ADK: variants seen among roughly 807,000 people sequenced by gnomAD.
ADK encodes the protein adenosine kinase.
ADK carries 24 observed loss-of-function variants against 44.7 expected under a neutral mutation model. That is an observed-to-expected ratio of 0.54 (90% confidence interval 0.39 to 0.76). The LOEUF (loss-of-function observed/expected upper bound fraction) is 0.76, where lower values mean the gene tolerates loss of function less well. Ranked by LOEUF, ADK falls within the 30% of genes least tolerant of loss-of-function variation. The pLI, the probability that ADK is intolerant of heterozygous loss-of-function variation, is 0.00. For synonymous variants in ADK, 128 were observed against 142.6 expected (o/e 0.90, Z 0.73); for missense variants, 321 against 425.1 (o/e 0.76, Z 2.15).
intron 7 of ADK, among the ~76,000 whole-genome samples, chr10:74,532,919 CAAA>C (rs35774493): frequency 1.3e-5 from 1 of 75,518 alleles, no homozygotes; most frequent in South Asian, 6.5e-4. Context: ...GACTCTGTCT[CAAA>C]AAAAAAAAAA....
At chr10:74,460,648 G>C (rs1846143330) in intron 6 of ADK, among the ~76,000 whole-genome samples, 1 of 151,924 alleles carries the variant, frequency 6.6e-6, no homozygotes. Flanking sequence ...TATTTACCTT[G>C]ACCCCCTACC....
At chr10:74,458,600 GGCTTT>G (rs1382923875) in intron 6 of ADK, among the ~76,000 whole-genome samples, 5 of 151,942 alleles carry the variant, frequency 3.3e-5, no homozygotes, top group African/African-American at 1.2e-4. Flanking sequence ...CGTTCAGTTT[GGCTTT>G]GGAAATTTTA....
chr10:74,166,267 T>G (rs947449855), intron 1 of ADK, among the ~76,000 whole-genome samples: 5 of 152,164 alleles, frequency 3.3e-5, no homozygotes, highest in African/African-American at 9.7e-5. Flanking sequence ...AATCAAAACT[T>G]TAGACAAACC....
intron 9 of ADK, among the ~76,000 whole-genome samples, chr10:74,657,838 A>G (rs1166103672): frequency 1.3e-5 from 2 of 152,228 alleles, no homozygotes; most frequent in East Asian, 3.8e-4. Flanking sequence ...ACCTTCCTGG[A>G]AGTATGTGAA....
intron 6 of ADK, among the ~76,000 whole-genome samples, chr10:74,459,142 C>T (rs746488746): frequency 5.9e-5 from 9 of 151,356 alleles, no homozygotes; most frequent in Admixed American, 3.9e-4. Context: ...TAGCTGGGCA[C>T]GGTGGTGGGT....
rs1022294554 is a variant in ADK, at chr10:74,291,826, C to T, written c.195-22841C>T. The stretch of plus-strand genomic sequence containing the variant: ...TATTATGTGTATCATAATGATTTCA[C>T]GCTTCAGTTTTCTCATCTGTACAGT... On this transcript the variant is annotated intron_variant, in intron 3 of 10. Coordinates refer to ENST00000539909, the MANE Select transcript of ADK (RefSeq NM_006721.4). 9.2e-5 allele frequency among the ~76,000 whole-genome samples: 14 copies of T among 151,500 alleles called. No homozygotes were observed. In the South Asian group the frequency reaches 1.7e-3, roughly 18 times the overall value.
chr10:74,521,231 CAA>C (rs949997378), intron 6 of ADK, among the ~76,000 whole-genome samples: 37 of 152,124 alleles, frequency 2.4e-4, no homozygotes, highest in African/African-American at 8.7e-4. Flanking sequence ...TAAAGAAAAA[CAA>C]GAGATCATTC....
At chr10:74,279,229 G>A (rs993980813) in intron 3 of ADK, among the ~76,000 whole-genome samples, 10 of 151,922 alleles carry the variant, frequency 6.6e-5, no homozygotes, top group Non-Finnish European at 1.2e-4. Flanking sequence ...GCAGTGATCC[G>A]AGATTGCGCC....
intron 7 of ADK, among the ~76,000 whole-genome samples, chr10:74,542,592 G>A (rs1017311011): frequency 2.0e-5 from 3 of 151,832 alleles, no homozygotes; most frequent in Non-Finnish European, 1.5e-5. Context: ...CAGTAGTGTC[G>A]CTCCTCCCTT....
intron 6 of ADK, among the ~76,000 whole-genome samples, chr10:74,495,196 A>G (rs1847638274): frequency 6.6e-6 from 1 of 152,062 alleles, no homozygotes. Flanking sequence ...ATTATTCCCT[A>G]TAAATTTAGA....
intron 6 of ADK, among the ~76,000 whole-genome samples, chr10:74,404,015 C>T (rs574554022): frequency 3.3e-5 from 5 of 152,004 alleles, no homozygotes; most frequent in South Asian, 4.2e-4. Flanking sequence ...TGGGACTGCA[C>T]GTGCCTGCCA....
At chr10:74,666,660 C>T (rs1365197371) in intron 9 of ADK, among the ~76,000 whole-genome samples, 3 of 152,076 alleles carry the variant, frequency 2.0e-5, no homozygotes, top group African/African-American at 7.2e-5. Context: ...CCTAAGAAAA[C>T]TAGGTCCCAG....
chr10:74,590,713 T>C (rs1306340383), intron 8 of ADK, among the ~76,000 whole-genome samples: 1 of 152,154 alleles, frequency 6.6e-6, no homozygotes, highest in African/African-American at 2.4e-5. Flanking sequence ...TGGGTTTTTT[T>C]CTAATTTAAG....
chr10:74,297,830 C>T (rs1178298452), intron 3 of ADK, among the ~76,000 whole-genome samples: 1 of 152,182 alleles, frequency 6.6e-6, no homozygotes, highest in Non-Finnish European at 1.5e-5. Context: ...GCCTTCCCAC[C>T]ACTATGGCAG....
At chr10:74,329,253 C>T (rs945596430) in intron 4 of ADK, among the ~76,000 whole-genome samples, 3 of 151,724 alleles carry the variant, frequency 2.0e-5, no homozygotes, top group Non-Finnish European at 2.9e-5. Context: ...GGTACTTTTG[C>T]TGCTGAGATT....
At chr10:74,630,141 C>A (rs913422661) in intron 9 of ADK, among the ~76,000 whole-genome samples, 1 of 152,058 alleles carries the variant, frequency 6.6e-6, no homozygotes, top group Admixed American at 6.5e-5. Flanking sequence ...ATATATCCTT[C>A]ATCCAGCTTT....
At chr10:74,571,952 T>C (rs1244171891) in intron 7 of ADK, among the ~76,000 whole-genome samples, 3 of 152,230 alleles carry the variant, frequency 2.0e-5, no homozygotes, top group Non-Finnish European at 4.4e-5. Flanking sequence ...CTTGACTCTT[T>C]ATCCAGTTTG....
chr10:74,258,710 T>C (rs939272887), intron 3 of ADK, among the ~76,000 whole-genome samples: 1 of 152,190 alleles, frequency 6.6e-6, no homozygotes, highest in Non-Finnish European at 1.5e-5. Context: ...AAAGATTCTT[T>C]GCTAAAAATG....
intron 9 of ADK, among the ~76,000 whole-genome samples, chr10:74,622,085 T>C (rs1853014687): frequency 6.6e-6 from 1 of 152,238 alleles, no homozygotes; most frequent in Admixed American, 6.5e-5. Flanking sequence ...GCAAATACCT[T>C]GAGTAGAGTA....
Sources: allele counts gnomAD v4.1 joint callset (sites outside exome capture counted in the v4.1 genomes callset), GRCh38; gene constraint gnomAD v4.1.1; transcripts MANE v1.5; gene names NCBI Gene and HGNC (gene_info 2026-07-23, HGNC 2026-07-21).